CIMIP6: variants seen among roughly 807,000 people sequenced by gnomAD.
CIMIP6 encodes uncharacterized protein C2orf73.
At chr2:54,332,143 C>G in the CIMIP6 span, among the ~76,000 whole-genome samples, 2 of 152,158 alleles carry the variant, frequency 1.3e-5, no homozygotes, top group Admixed American at 1.3e-4. Flanking sequence ...GTTCACTCTG[C>G]TAGAATGCTT....
chr2:54,348,931 G>T, the CIMIP6 span, among the ~76,000 whole-genome samples: 1 of 152,184 alleles, frequency 6.6e-6, no homozygotes, highest in African/African-American at 2.4e-5. Flanking sequence ...TCCACAGTCA[G>T]TTAACAAACA....
At chr2:54,379,208 C>T in the CIMIP6 span, among the ~76,000 whole-genome samples, 2 of 152,206 alleles carry the variant, frequency 1.3e-5, no homozygotes, top group Admixed American at 1.3e-4. Flanking sequence ...GGTTTATTGG[C>T]CTGATCCGCT....
chr2:54,332,862 C>A, the CIMIP6 span, among the ~76,000 whole-genome samples: 1 of 152,156 alleles, frequency 6.6e-6, no homozygotes, highest in East Asian at 1.9e-4. Flanking sequence ...ATAATTGTAT[C>A]TCTGGAAAGG....
the CIMIP6 span, chr2:54,360,183 G>T: frequency 1.3e-6 from 2 of 1,528,142 alleles, no homozygotes; most frequent in South Asian, 2.6e-5. Context: ...GGTTAATGTC[G>T]ACTTTGTTTT....
At chr2:54,351,399 T>G in the CIMIP6 span, among the ~76,000 whole-genome samples, 2 of 152,146 alleles carry the variant, frequency 1.3e-5, no homozygotes, top group Non-Finnish European at 2.9e-5. Context: ...TGTAGACTGC[T>G]TAAAGAAAAT....
the CIMIP6 span, chr2:54,334,908 TC>T: frequency 6.3e-7 from 1 of 1,579,386 alleles, no homozygotes; most frequent in Non-Finnish European, 8.6e-7. Context: ...CATACATCAT[TC>T]AAAATCACAT....
At chr2:54,360,486 CCACT>C in the CIMIP6 span, 4 of 1,574,180 alleles carry the variant, frequency 2.5e-6, no homozygotes, top group Non-Finnish European at 3.4e-6. Flanking sequence ...ACCTCAGGCG[CCACT>C]CAAACAACTG....
At chr2:54,342,621 T>A in the CIMIP6 span, among the ~76,000 whole-genome samples, 1 of 152,124 alleles carries the variant, frequency 6.6e-6, no homozygotes, top group Non-Finnish European at 1.5e-5. Flanking sequence ...GGTTTTTTTT[T>A]TTTTTAAAGA....
chr2:54,360,689 A>G, the CIMIP6 span: 585 of 991,986 alleles, frequency 5.9e-4, 8 homozygotes, highest in East Asian at 0.014. Context: ...TAAATGGAAA[A>G]AGAGAAAAAA....
At chr2:54,381,768 A>G in the CIMIP6 span, 3 of 1,450,734 alleles carry the variant, frequency 2.1e-6, no homozygotes, top group Admixed American at 3.0e-5. Flanking sequence ...TCAGAACTCC[A>G]TCTGATTTAA....
At chr2:54,330,999 T>A in the CIMIP6 span, 1 of 1,613,764 alleles carries the variant, frequency 6.2e-7, no homozygotes, top group Non-Finnish European at 8.5e-7. Context: ...AAGATAAGCA[T>A]CAGTAAGTGC....
the CIMIP6 span, among the ~76,000 whole-genome samples, chr2:54,340,438 A>C: frequency 1.3e-5 from 2 of 152,324 alleles, no homozygotes; most frequent in East Asian, 3.9e-4. Flanking sequence ...TTATGAATAA[A>C]TGCTTGGACC....
chr2:54,357,855 G>A, the CIMIP6 span, among the ~76,000 whole-genome samples: 1 of 152,032 alleles, frequency 6.6e-6, no homozygotes, highest in Non-Finnish European at 1.5e-5. Context: ...AAAGTGCTGG[G>A]ATTACAGGCG....
chr2:54,364,058 A>T, the CIMIP6 span, among the ~76,000 whole-genome samples: 1 of 152,224 alleles, frequency 6.6e-6, no homozygotes, highest in African/African-American at 2.4e-5. Flanking sequence ...ACAATGACTG[A>T]AAGTCATTGA....
At chr2:54,332,189 CT>C in the CIMIP6 span, among the ~76,000 whole-genome samples, 2 of 152,154 alleles carry the variant, frequency 1.3e-5, no homozygotes, top group African/African-American at 2.4e-5. Flanking sequence ...CTCTTCCCCT[CT>C]TTTTTCATTT....
At chr2:54,356,969 A>T in the CIMIP6 span, among the ~76,000 whole-genome samples, 8 of 149,310 alleles carry the variant, frequency 5.4e-5, no homozygotes, top group South Asian at 2.1e-4. Context: ...TGATATTCAT[A>T]AAAAAAATGG....
the CIMIP6 span, among the ~76,000 whole-genome samples, chr2:54,349,644 C>T: frequency 1.3e-5 from 2 of 152,158 alleles, no homozygotes; most frequent in Admixed American, 1.3e-4. Flanking sequence ...AGAGTAACCA[C>T]TAACAATCTG....
At chr2:54,378,887 GTAC>G in the CIMIP6 span, among the ~76,000 whole-genome samples, 4 of 152,296 alleles carry the variant, frequency 2.6e-5, no homozygotes, top group East Asian at 7.7e-4. Flanking sequence ...CGTGATGAAA[GTAC>G]TGTACTACTG....
chr2:54,334,935 A>G, the CIMIP6 span: 1 of 1,597,316 alleles, frequency 6.3e-7, no homozygotes, highest in Non-Finnish European at 8.5e-7. Context: ...AAGAGGACGT[A>G]TATATTATGC....
Sources: allele counts gnomAD v4.1 joint callset (sites outside exome capture counted in the v4.1 genomes callset), GRCh38; gene constraint gnomAD v4.1.1; transcripts MANE v1.5; gene names NCBI Gene and HGNC (gene_info 2026-07-23, HGNC 2026-07-21).